The following LOC128125817 variants were observed in gnomAD, a reference collection of about 807,000 sequenced individuals.
the LOC128125817 span, among the ~76,000 whole-genome samples, chr1:41,591,796 C>T: frequency 6.6e-6 from 1 of 152,150 alleles, no homozygotes; most frequent in East Asian, 1.9e-4. Flanking sequence ...CACATGAGCA[C>T]ATTCCTGTCC....
At chr1:41,612,171 G>A in the LOC128125817 span, among the ~76,000 whole-genome samples, 2 of 150,808 alleles carry the variant, frequency 1.3e-5, no homozygotes, top group African/African-American at 2.4e-5. Flanking sequence ...CCTGCTGCCC[G>A]GTCCCCCATC....
the LOC128125817 span, among the ~76,000 whole-genome samples, chr1:41,586,984 A>G: frequency 6.6e-6 from 1 of 152,140 alleles, no homozygotes; most frequent in Non-Finnish European, 1.5e-5. Flanking sequence ...TGCTATACCA[A>G]TAATAAGGAC....
At chr1:41,591,446 G>A in the LOC128125817 span, among the ~76,000 whole-genome samples, 7 of 152,228 alleles carry the variant, frequency 4.6e-5, no homozygotes, top group African/African-American at 7.2e-5. Flanking sequence ...ACAGGCAGGC[G>A]ATCAGGTGGT....
chr1:41,626,918 T>A, the LOC128125817 span, among the ~76,000 whole-genome samples: 3 of 152,204 alleles, frequency 2.0e-5, no homozygotes, highest in Non-Finnish European at 2.9e-5. Context: ...CCCCTTACCA[T>A]CTGTGTAGCT....
At chr1:41,608,948 G>A in the LOC128125817 span, among the ~76,000 whole-genome samples, 8 of 151,456 alleles carry the variant, frequency 5.3e-5, no homozygotes, top group Non-Finnish European at 8.8e-5. Flanking sequence ...GCCAGGTGTG[G>A]TGGTGCATGC....
the LOC128125817 span, among the ~76,000 whole-genome samples, chr1:41,617,452 G>GTT: frequency 6.6e-6 from 1 of 152,184 alleles, no homozygotes; most frequent in East Asian, 1.9e-4. Flanking sequence ...CCCTGGGGTG[G>GTT]TTGAGGACAG....
At chr1:41,590,151 G>A in the LOC128125817 span, among the ~76,000 whole-genome samples, 1 of 152,212 alleles carries the variant, frequency 6.6e-6, no homozygotes, top group Admixed American at 6.5e-5. Flanking sequence ...GGCAAAACAA[G>A]CCAGATATAA....
At chr1:41,595,784 G>C in the LOC128125817 span, among the ~76,000 whole-genome samples, 1 of 152,172 alleles carries the variant, frequency 6.6e-6, no homozygotes. Flanking sequence ...GACTGGCTTA[G>C]CCTCCTGGCC....
the LOC128125817 span, among the ~76,000 whole-genome samples, chr1:41,620,627 C>A: frequency 2.1e-3 from 320 of 152,298 alleles, no homozygotes; most frequent in African/African-American, 7.3e-3. Flanking sequence ...CCACCCAGCA[C>A]GCCCCAATCC....
the LOC128125817 span, among the ~76,000 whole-genome samples, chr1:41,602,681 ACT>A: frequency 7.2e-5 from 11 of 151,836 alleles, no homozygotes; most frequent in Non-Finnish European, 1.6e-4. Context: ...CAAAAAACCA[ACT>A]CTTAGTTTCA....
chr1:41,624,753 A>G, the LOC128125817 span, among the ~76,000 whole-genome samples: 1 of 152,252 alleles, frequency 6.6e-6, no homozygotes, highest in African/African-American at 2.4e-5. Flanking sequence ...GATGCAAACC[A>G]GAATTCCCTT....
chr1:41,618,668 C>CCAGG, the LOC128125817 span, among the ~76,000 whole-genome samples: 4,252 of 152,274 alleles, frequency 0.028, 256 homozygotes, highest in Admixed American at 0.16. Flanking sequence ...CCTGACCACC[C>CCAGG]CAGGCCCCAG....
chr1:41,627,392 G>C, the LOC128125817 span, among the ~76,000 whole-genome samples: 1 of 152,130 alleles, frequency 6.6e-6, no homozygotes, highest in Non-Finnish European at 1.5e-5. Flanking sequence ...CTCAGGGTGG[G>C]TCTACACTGT....
chr1:41,598,243 G>A, the LOC128125817 span, among the ~76,000 whole-genome samples: 1 of 152,176 alleles, frequency 6.6e-6, no homozygotes, highest in African/African-American at 2.4e-5. Flanking sequence ...TGCTGCAGTG[G>A]CCTGATCTCT....
the LOC128125817 span, among the ~76,000 whole-genome samples, chr1:41,587,218 C>T: frequency 2.2e-4 from 34 of 152,246 alleles, no homozygotes; most frequent in South Asian, 5.2e-3. Flanking sequence ...AATACAGTGA[C>T]GGATTCAATG....
the LOC128125817 span, among the ~76,000 whole-genome samples, chr1:41,614,885 A>T: frequency 6.6e-6 from 1 of 152,340 alleles, no homozygotes. Context: ...TAAGATCTGA[A>T]GGAAATTTCT....
chr1:41,626,407 C>T, the LOC128125817 span, among the ~76,000 whole-genome samples: 2 of 152,222 alleles, frequency 1.3e-5, no homozygotes, highest in Admixed American at 1.3e-4. Flanking sequence ...GAACTGACAG[C>T]TCATTTCCCT....
the LOC128125817 span, among the ~76,000 whole-genome samples, chr1:41,611,769 T>C: frequency 5.3e-5 from 8 of 152,330 alleles, no homozygotes; most frequent in East Asian, 1.9e-4. Context: ...CTCTGTGAGA[T>C]TGTGCTGCCT....
At chr1:41,610,957 C>A in the LOC128125817 span, among the ~76,000 whole-genome samples, 2 of 152,176 alleles carry the variant, frequency 1.3e-5, no homozygotes, top group Non-Finnish European at 2.9e-5. Context: ...AGTATGATTT[C>A]GTGGGGCTGC....
Sources: gnomAD v4.1 joint callset for allele counts (sites outside exome capture counted in the v4.1 genomes callset) on GRCh38, gnomAD v4.1.1 for gene constraint, MANE v1.5 for transcripts.